MYO5A: variants seen among roughly 807,000 people sequenced by gnomAD.
MYO5A encodes unconventional myosin-Va.
In MYO5A, 98 loss-of-function variants were observed where a neutral mutation model predicts 249.7. The observed-to-expected ratio is 0.39, with a 90% CI of 0.33 to 0.46. The LOEUF (loss-of-function observed/expected upper bound fraction) is 0.46. Ranked by LOEUF, MYO5A falls within the 20% of genes least tolerant of loss-of-function variation. The pLI, the probability that MYO5A is intolerant of heterozygous loss-of-function variation, is 0.98. For synonymous variants in MYO5A, 778 were observed against 810.6 expected (o/e 0.96, Z 0.68); for missense variants, 1,696 against 2,308.8 (o/e 0.73, Z 5.44).
chr15:52,483,763 A>G (rs2076762854), intron 1 of MYO5A, among the ~76,000 whole-genome samples: 1 of 152,198 alleles, frequency 6.6e-6, no homozygotes, highest in South Asian at 2.1e-4. Flanking sequence ...CTTCTTCCTT[A>G]GCTTATGGCT....
Position 52,375,501 on chromosome 15 carries a change from A to G in MYO5A, c.2421-41T>C, listed in dbSNP as rs1337084117. ...AACATTATGTTGTCAGTAATCAGAA[A>G]AAAATGCAGGAATACATATTAGAGA... On this transcript the variant is annotated intron_variant, in intron 19 of 41. Coordinates refer to ENST00000399233, the MANE Select transcript of MYO5A (RefSeq NM_001382347.1). The G allele has an allele frequency of 1.1e-5, 17 of 1,608,038 alleles. No individual in the cohort carries two copies. The East Asian group carries it at 3.6e-4, about 34-fold the overall frequency.
At position 52,364,476 on chromosome 15, in the gene MYO5A, G is replaced by T. The variant is rs1482094669; in HGVS notation, c.3309+78C>A. ...TGGTAGGTACACAGAAGATATGGAG[G>T]TTCATTCTACTATTCTATTTACTTT... On this transcript the variant is annotated intron_variant, in intron 24 of 41. Transcript: ENST00000399233. 8 of 1,373,038 alleles carry T rather than the reference G, an allele frequency of 5.8e-6. No homozygotes were observed. The South Asian group carries it at 7.7e-5, about 13-fold the overall frequency. The allele number at this position is 1,373,038 out of a possible 1,614,324, so 85.1% of individuals were successfully genotyped here.
intron 9 of MYO5A, 118 bp downstream of exon 9, chr15:52,405,169 A>T: frequency 1.3e-6 from 1 of 789,338 alleles, no homozygotes; most frequent in Non-Finnish European, 2.2e-6. Flanking sequence ...TATGTCTTTG[A>T]TAATTATGTT....
intron 1 of MYO5A, among the ~76,000 whole-genome samples, chr15:52,501,891 AC>A (rs2077167045): frequency 9.1e-6 from 1 of 110,206 alleles, no homozygotes; most frequent in Non-Finnish European, 2.1e-5. Flanking sequence ...ACACACACAC[AC>A]ACACACACAC....
intron 24 of MYO5A, among the ~76,000 whole-genome samples, chr15:52,360,720 G>T (rs1003176389): frequency 1.3e-5 from 2 of 152,110 alleles, no homozygotes; most frequent in Admixed American, 6.5e-5. Flanking sequence ...TTTATGACAT[G>T]TAATACCTAG....
intron 1 of MYO5A, among the ~76,000 whole-genome samples, chr15:52,501,029 G>T: frequency 6.6e-6 from 1 of 151,944 alleles, no homozygotes; most frequent in Non-Finnish European, 1.5e-5. Context: ...GAGTGCAGTG[G>T]CAAGATCTTG....
At chr15:52,425,723 T>C in intron 4 of MYO5A, 107 bp downstream of exon 4, 1 of 1,287,002 alleles carries the variant, frequency 7.8e-7, no homozygotes, top group Non-Finnish European at 1.1e-6. Flanking sequence ...GCTTATTTAG[T>C]AATTATTTAC....
intron 1 of MYO5A, among the ~76,000 whole-genome samples, chr15:52,523,326 C>T (rs972972254): frequency 1.3e-5 from 2 of 152,180 alleles, no homozygotes; most frequent in Non-Finnish European, 2.9e-5. Flanking sequence ...TTCAACATGC[C>T]TGAAAATGTG....
Position 52,508,383 on chromosome 15 carries a change from G to GAA in MYO5A, c.27+20395_27+20396dup, listed in dbSNP as rs1432121093. On this transcript the variant is annotated intron_variant, in intron 1 of 41. Coordinates refer to ENST00000399233, the MANE Select transcript of MYO5A (RefSeq NM_001382347.1). Reference sequence around the variant, plus strand: ...ACAAACATTGTTAGGGTTTTATAAGGAAAAAAAAAAAAAGTAGAACTAACC... The same window carrying GAA: ...ACAAACATTGTTAGGGTTTTATAAGGAAAAAAAAAAAAAAAGTAGAACTAACC... Among the ~76,000 whole-genome samples, 4 of 99,094 alleles carry GAA rather than the reference G, an allele frequency of 4.0e-5. No homozygotes were observed. The East Asian group carries it at 9.7e-4, about 24-fold the overall frequency. The allele number at this position is 99,094 out of a possible 152,430, so 65.0% of individuals were successfully genotyped here. A position where few individuals can be genotyped will look rare whatever the true frequency, so the allele number is the denominator to read the frequency against.
At chr15:52,524,789 GC>G (rs1386630161) in intron 1 of MYO5A, among the ~76,000 whole-genome samples, 1 of 151,626 alleles carries the variant, frequency 6.6e-6, no homozygotes, top group African/African-American at 2.4e-5. Flanking sequence ...GACAGCTTGA[GC>G]CCAGGAGTTA....
At chr15:52,421,188 A>G (rs1268733781) in intron 4 of MYO5A, among the ~76,000 whole-genome samples, 1 of 152,198 alleles carries the variant, frequency 6.6e-6, no homozygotes, top group East Asian at 1.9e-4. Flanking sequence ...TTCAGCTGAA[A>G]CAGAAGAGAT....
At chr15:52,325,688 C>A (rs1305099389) in intron 36 of MYO5A, among the ~76,000 whole-genome samples, 6 of 151,990 alleles carry the variant, frequency 3.9e-5, no homozygotes, top group Non-Finnish European at 7.4e-5. Flanking sequence ...AGGTGTGAGC[C>A]ACAGCACCCA....
chr15:52,450,841 T>TG (rs1434439868), intron 1 of MYO5A, among the ~76,000 whole-genome samples: 1 of 63,328 alleles, frequency 1.6e-5, no homozygotes, highest in Admixed American at 2.5e-4. Context: ...TGCACTACTG[T>TG]GGTTTTTTTT....
At chr15:52,426,043 G>A (rs1405447725) in intron 3 of MYO5A, 69 bp from the exon 4 acceptor site, 4 of 1,350,716 alleles carry the variant, frequency 3.0e-6, no homozygotes, top group Non-Finnish European at 4.2e-6. Context: ...ATCAAACTTA[G>A]TAAAGTGAGA....
At chr15:52,479,262 G>A (rs1203036834) in intron 1 of MYO5A, among the ~76,000 whole-genome samples, 2 of 152,110 alleles carry the variant, frequency 1.3e-5, no homozygotes, top group East Asian at 3.8e-4. Flanking sequence ...ACAGGAGTGA[G>A]CCACTGCGCC....
Position 52,507,500 on chromosome 15 carries a change from C to T in MYO5A, c.27+21280G>A, listed in dbSNP as rs142905027. Among the ~76,000 whole-genome samples the T allele has an allele frequency of 3.4e-4, 52 of 152,208 alleles. No homozygotes were observed. In the East Asian group the frequency reaches 5.4e-3, roughly 16 times the overall value. On this transcript the variant is annotated intron_variant, in intron 1 of 41. Coordinates refer to ENST00000399233, the MANE Select transcript of MYO5A (RefSeq NM_001382347.1). ...TTTTAATAGTGTACATAGCTGATGT[C>T]CTAAAACGTTCCAGAAGCTTTAAGA...
Position 52,405,361 on chromosome 15 carries a change from G to C in MYO5A, c.979C>G (p.Arg327Gly). 2 of 1,613,432 alleles carry C rather than the reference G, an allele frequency of 1.2e-6. No homozygotes were observed. The highest frequency in any genetic ancestry group is 1.7e-6 in the Non-Finnish European group (2 of 1,179,476). The change falls in exon 9 of 42, where the codon CGA becomes GGA. Residue 327 changes from arginine (R) to glycine (G), a missense_variant. Transcript: ENST00000399233. ...AAGTGAAGGATGCCAGCAAGTATTC[G>C]GAAAATTCCCATTTGATGAGATTCA... ...ISESHQMGIF[R>G]ILAGILHLGN...
chr15:52,400,895 T>A (rs2042722376), intron 9 of MYO5A, among the ~76,000 whole-genome samples: 1 of 152,182 alleles, frequency 6.6e-6, no homozygotes, highest in African/African-American at 2.4e-5. Flanking sequence ...TATACTATTA[T>A]TATTCTAATT....
intron 19 of MYO5A, among the ~76,000 whole-genome samples, chr15:52,375,776 T>G (rs2041379717): frequency 6.6e-6 from 1 of 152,240 alleles, no homozygotes; most frequent in South Asian, 2.1e-4. Flanking sequence ...AGGATCCATT[T>G]ACCCCAGGCC....
Sources: gnomAD v4.1 joint callset for allele counts (sites outside exome capture counted in the v4.1 genomes callset) on GRCh38, gnomAD v4.1.1 for gene constraint, MANE v1.5 for transcripts, NCBI Gene and HGNC (gene_info 2026-07-23, HGNC 2026-07-21) for gene names.